Variants in RCOR1 observed in about 807,000 individuals in gnomAD.
RCOR1 encodes the protein REST corepressor 1, also known as REST corepressor.
RCOR1 carries 12 observed loss-of-function variants against 64.0 expected under a neutral mutation model. The ratio of observed to expected loss-of-function variants is 0.19; its 90% CI spans 0.12 to 0.30. RCOR1 has a LOEUF of 0.30. Ranked by LOEUF, RCOR1 falls within the 10% of genes least tolerant of loss-of-function variation. RCOR1 has a pLI of 1.00. For synonymous variants in RCOR1, 279 were observed against 227.2 expected, an observed-to-expected ratio of 1.23 and a Z score of -2.05; for missense variants, 502 against 621.2, an observed-to-expected ratio of 0.81 and a Z score of 2.04.
chr14:102,699,220 T>C (rs904061001), intron 3 of RCOR1, among the ~76,000 whole-genome samples: 6 of 152,234 alleles, frequency 3.9e-5, no homozygotes, highest in Non-Finnish European at 8.8e-5. Context: ...GTTATACTTT[T>C]GTGACAAGCT....
intron 4 of RCOR1, among the ~76,000 whole-genome samples, chr14:102,706,363 G>A (rs1469431309): frequency 6.6e-6 from 1 of 152,010 alleles, no homozygotes; most frequent in Non-Finnish European, 1.5e-5. Flanking sequence ...ATTTTAAAGT[G>A]AAAGGGTGGA....
chr14:102,665,954 CAT>C (rs1053314222), intron 2 of RCOR1, among the ~76,000 whole-genome samples: 11 of 152,312 alleles, frequency 7.2e-5, no homozygotes, highest in South Asian at 2.1e-4. Context: ...GTTTTCTCCA[CAT>C]GTCTTTATGC....
rs145537993 is a variant in RCOR1, at chr14:102,682,921, G to C, written c.445+943G>C. ...GCGGAACCCCAAGTAGTTCACTCCT[G>C]GGTCATAATCTCACTTATTTCTCAG... On this transcript the variant is annotated intron_variant, in intron 3 of 11. Coordinates refer to ENST00000262241, the MANE Select transcript of RCOR1 (RefSeq NM_015156.4). 1.3e-5 allele frequency among the ~76,000 whole-genome samples: 2 copies of C among 152,232 alleles called. 1 individual carries two copies. Among genetic ancestry groups the C allele is most frequent in the East Asian group, 3.9e-4 (2 of 5,180 alleles).
chr14:102,670,417 T>C (rs1895009160), intron 2 of RCOR1, among the ~76,000 whole-genome samples: 1 of 152,188 alleles, frequency 6.6e-6, no homozygotes, highest in Admixed American at 6.5e-5. Context: ...CTGTCCTATT[T>C]ATGAGTGCTA....
At chr14:102,714,680 A>T (rs1237872766) in intron 8 of RCOR1, 63 bp downstream of exon 8, 1 of 1,279,004 alleles carries the variant, frequency 7.8e-7, no homozygotes, top group Non-Finnish European at 1.1e-6. Context: ...TGTTTCTGTT[A>T]TTCATATATG....
chr14:102,621,916 T>C (rs1318709054), intron 2 of RCOR1, among the ~76,000 whole-genome samples: 1 of 152,168 alleles, frequency 6.6e-6, no homozygotes, highest in Non-Finnish European at 1.5e-5. Context: ...TGTACCAATT[T>C]AGCTGGCATT....
intron 2 of RCOR1, among the ~76,000 whole-genome samples, chr14:102,643,054 G>A (rs1252347196): frequency 6.6e-6 from 1 of 152,128 alleles, no homozygotes; most frequent in Non-Finnish European, 1.5e-5. Context: ...AGGCCGAGGC[G>A]GGCAGATCAC....
chr14:102,724,708 T>C (rs146206140), intron 11 of RCOR1, among the ~76,000 whole-genome samples: 92 of 152,294 alleles, frequency 6.0e-4, no homozygotes, highest in African/African-American at 2.1e-3. Context: ...ATGTTCTCCA[T>C]ATGTTAGTTT....
intron 2 of RCOR1, among the ~76,000 whole-genome samples, chr14:102,674,009 A>G (rs966291737): frequency 6.6e-6 from 1 of 152,240 alleles, no homozygotes; most frequent in Non-Finnish European, 1.5e-5. Flanking sequence ...GGTTCTTCAG[A>G]TAAACAGAAC....
chr14:102,701,187 G>A (rs1354164790), intron 3 of RCOR1, 91 bp from the exon 4 acceptor site: 1 of 1,039,502 alleles, frequency 9.6e-7, no homozygotes, highest in Non-Finnish European at 1.5e-6. Context: ...ATATCAGCAG[G>A]CCTGAAATAT....
intron 2 of RCOR1, among the ~76,000 whole-genome samples, chr14:102,665,007 C>T (rs1408793291): frequency 6.6e-6 from 1 of 151,024 alleles, no homozygotes; most frequent in African/African-American, 2.4e-5. Context: ...ATATTCAACC[C>T]TTTTTTTTTG....
intron 2 of RCOR1, chr14:102,650,902 T>C: frequency 1.6e-6 from 1 of 642,078 alleles, no homozygotes; most frequent in Non-Finnish European, 1.9e-6. Flanking sequence ...ATGTTAAATA[T>C]TTGGTTTGCT....
chr14:102,678,008 G>A (rs1279436862), intron 2 of RCOR1, among the ~76,000 whole-genome samples: 2 of 150,662 alleles, frequency 1.3e-5, no homozygotes, highest in Non-Finnish European at 3.0e-5. Context: ...AGACCAGCCC[G>A]GCCAACACAG....
At chr14:102,655,337 T>C (rs1894700979) in intron 2 of RCOR1, 2 of 985,196 alleles carry the variant, frequency 2.0e-6, no homozygotes. Flanking sequence ...TGTTGTACTT[T>C]ACTTTAGAAT....
At chr14:102,657,585 C>G (rs1198167036) in intron 2 of RCOR1, 1 of 959,330 alleles carries the variant, frequency 1.0e-6, no homozygotes, top group South Asian at 4.8e-5. Context: ...CACCTGTAAT[C>G]TCAGCACTTT....
intron 2 of RCOR1, chr14:102,629,943 T>G (rs1368560398): frequency 1.3e-5 from 12 of 938,174 alleles, no homozygotes; most frequent in Non-Finnish European, 1.5e-5. Context: ...GACTTGACTA[T>G]TATTACATTA....
chr14:102,628,343 A>G (rs747585614), intron 2 of RCOR1, among the ~76,000 whole-genome samples: 1 of 152,224 alleles, frequency 6.6e-6, no homozygotes, highest in Non-Finnish European at 1.5e-5. Context: ...CAGTTGATGC[A>G]TAAAATTAAC....
intron 3 of RCOR1, among the ~76,000 whole-genome samples, chr14:102,692,440 AACACACACAC>A (rs10622844): frequency 3.3e-4 from 48 of 146,344 alleles, no homozygotes; most frequent in South Asian, 8.9e-4. Context: ...GGAAAAAGTT[AACACACACAC>A]ACACACACAC....
In RCOR1 at chr14:102,681,835, C is replaced by T. The variant is rs118180185; in HGVS notation, c.362-60C>T. 1.5e-3 allele frequency: 1,798 copies of T among 1,233,104 alleles called. 43 individuals are homozygous for T. The East Asian group carries it at 0.038, about 26-fold the overall frequency. 76.4% of individuals were successfully genotyped at this position (1,233,104 alleles called of 1,614,324 possible). A position where few individuals can be genotyped will look rare whatever the true frequency, so the allele number is the denominator to read the frequency against. Reference sequence around the variant, plus strand: ...GTGATGTCATTAAAAGGTATTGTTACTTATAGCTTATTATATGTGTTAAAT... The same window carrying T: ...GTGATGTCATTAAAAGGTATTGTTATTTATAGCTTATTATATGTGTTAAAT... On this transcript the variant is annotated intron_variant, in intron 2 of 11. Coordinates refer to ENST00000262241, the MANE Select transcript of RCOR1 (RefSeq NM_015156.4).
Sources: allele counts gnomAD v4.1 joint callset (sites outside exome capture counted in the v4.1 genomes callset), GRCh38; gene constraint gnomAD v4.1.1; transcripts MANE v1.5; gene names NCBI Gene and HGNC (gene_info 2026-07-23, HGNC 2026-07-21).